Variants in LRRC4C observed in about 807,000 individuals in gnomAD.
LRRC4C encodes the protein leucine rich repeat containing 4C, also known as leucine-rich repeat-containing protein 4C.
LRRC4C carries 5 observed loss-of-function variants against 33.6 expected under a neutral mutation model. That is an observed-to-expected ratio of 0.15 (90% CI 0.08 to 0.31). The LOEUF (loss-of-function observed/expected upper bound fraction) is 0.31, where lower values mean the gene tolerates loss of function less well. Among genes scored for constraint, LRRC4C ranks in the 10% least tolerant of loss-of-function variants. LRRC4C has a pLI of 1.00. For synonymous variants in LRRC4C, 329 were observed against 302.0 expected, an observed-to-expected ratio of 1.09 and a Z score of -0.93; for missense variants, 560 against 796.7, an observed-to-expected ratio of 0.70 and a Z score of 3.58.
At chr11:40,573,920 A>G (rs1184815935) in intron 3 of LRRC4C, among the ~76,000 whole-genome samples, 1 of 152,134 alleles carries the variant, frequency 6.6e-6, no homozygotes, top group Non-Finnish European at 1.5e-5. Context: ...CAGTTGGTGC[A>G]TTGTAAATGC....
intron 2 of LRRC4C, among the ~76,000 whole-genome samples, chr11:40,771,259 T>C (rs1254739163): frequency 6.6e-6 from 1 of 152,176 alleles, no homozygotes; most frequent in Non-Finnish European, 1.5e-5. Context: ...TACCAAGGCT[T>C]GGGGCTTGCA....
intron 6 of LRRC4C, among the ~76,000 whole-genome samples, chr11:40,132,637 A>T (rs1856722974): frequency 6.6e-6 from 1 of 152,184 alleles, no homozygotes; most frequent in Non-Finnish European, 1.5e-5. Context: ...CTGATGCGAA[A>T]GGAGAAAACA....
At chr11:41,050,887 G>A (rs1342612133) in intron 1 of LRRC4C, among the ~76,000 whole-genome samples, 1 of 152,146 alleles carries the variant, frequency 6.6e-6, no homozygotes, top group Non-Finnish European at 1.5e-5. Flanking sequence ...GGTTTTCATT[G>A]CTGAGAAGGC....
At chr11:40,196,700 A>G (rs1862291201) in intron 5 of LRRC4C, among the ~76,000 whole-genome samples, 1 of 152,256 alleles carries the variant, frequency 6.6e-6, no homozygotes, top group Non-Finnish European at 1.5e-5. Context: ...TACTCAATTA[A>G]TTGAGATAAT....
At chr11:41,411,140 C>CTTTTTTTTTTTTTTTTTTTTTTTTT (rs1249968357) in intron 1 of LRRC4C, among the ~76,000 whole-genome samples, 4 of 49,914 alleles carry the variant, frequency 8.0e-5, no homozygotes, top group African/African-American at 3.1e-4. Flanking sequence ...GGTTGGTACC[C>CTTTTTTTTTTTTTTTTTTTTTTTTT]TATTTTTTTT....
At position 40,432,678 on chromosome 11, in the gene LRRC4C, A is replaced by G. The variant is rs577569035; in HGVS notation, c.-269-112957T>C. 5.3e-5 allele frequency among the ~76,000 whole-genome samples: 8 copies of G among 152,260 alleles called. No homozygotes were observed. The South Asian group carries it at 1.7e-3, about 32-fold the overall frequency. Reference sequence around the variant, plus strand: ...TCTTCATGTTATCCCAGACTCTAACAGTTTCCTTCTGTTTGAATCTTCCAA... The same window carrying G: ...TCTTCATGTTATCCCAGACTCTAACGGTTTCCTTCTGTTTGAATCTTCCAA... On this transcript the variant is annotated intron_variant, in intron 3 of 6. Coordinates refer to ENST00000528697, the MANE Select transcript of LRRC4C (RefSeq NM_001258419.2).
At chr11:40,702,545 G>A (rs1172801501) in intron 2 of LRRC4C, among the ~76,000 whole-genome samples, 1 of 151,886 alleles carries the variant, frequency 6.6e-6, no homozygotes, top group South Asian at 2.1e-4. Flanking sequence ...ATTAGAACAA[G>A]TCAAGATTAT....
intron 1 of LRRC4C, among the ~76,000 whole-genome samples, chr11:41,069,654 AC>A (rs1406925976): frequency 1.2e-4 from 18 of 152,036 alleles, no homozygotes; most frequent in Admixed American, 1.2e-3. Flanking sequence ...TCATGAATGA[AC>A]CCCCATTCAC....
intron 2 of LRRC4C, among the ~76,000 whole-genome samples, chr11:40,733,274 A>T (rs1214534636): frequency 6.6e-6 from 1 of 151,428 alleles, no homozygotes; most frequent in Admixed American, 6.6e-5. Context: ...ACAGGGTTTC[A>T]CCATGTTAGC....
chr11:41,206,992 G>A (rs1946627341), intron 1 of LRRC4C, among the ~76,000 whole-genome samples: 1 of 151,960 alleles, frequency 6.6e-6, no homozygotes, highest in South Asian at 2.1e-4. Flanking sequence ...TTCTGCTATA[G>A]TATATAGTAT....
intron 3 of LRRC4C, among the ~76,000 whole-genome samples, chr11:40,511,291 G>A (rs146260664): frequency 1.3e-5 from 2 of 152,134 alleles, no homozygotes; most frequent in Non-Finnish European, 2.9e-5. Flanking sequence ...AAATGACTCC[G>A]TTCAGCAACT....
chr11:40,969,527 T>C (rs1757946210), intron 1 of LRRC4C, among the ~76,000 whole-genome samples: 1 of 151,556 alleles, frequency 6.6e-6, no homozygotes, highest in Non-Finnish European at 1.5e-5. Context: ...CATTACTGTC[T>C]TCTTTTAAAA....
intron 1 of LRRC4C, among the ~76,000 whole-genome samples, chr11:41,425,902 TTAGA>T (rs1423632952): frequency 6.6e-6 from 1 of 152,118 alleles, no homozygotes; most frequent in Non-Finnish European, 1.5e-5. Flanking sequence ...AGGTTGCCTT[TTAGA>T]TAGAGCCCAA....
At chr11:41,316,283 A>AAAAAAAAAAAAAAAAAAAG (rs1950793676) in intron 1 of LRRC4C, among the ~76,000 whole-genome samples, 1 of 150,968 alleles carries the variant, frequency 6.6e-6, no homozygotes, top group Admixed American at 6.6e-5. Context: ...AAAAAAACAA[A>AAAAAAAAAAAAAAAAAAAG]AAAAAACAAA....
At chr11:40,718,036 TAGATA>T (rs1166340826) in intron 2 of LRRC4C, among the ~76,000 whole-genome samples, 1 of 152,238 alleles carries the variant, frequency 6.6e-6, no homozygotes, top group Non-Finnish European at 1.5e-5. Context: ...ATGTTCAGAT[TAGATA>T]AAAGAGGATC....
intron 1 of LRRC4C, among the ~76,000 whole-genome samples, chr11:41,182,440 T>A (rs1945493640): frequency 6.6e-6 from 1 of 152,200 alleles, no homozygotes; most frequent in Non-Finnish European, 1.5e-5. Flanking sequence ...AATCATTATG[T>A]CTTCAAGTTG....
At chr11:40,779,363 A>C (rs866025898) in intron 2 of LRRC4C, among the ~76,000 whole-genome samples, 2 of 152,192 alleles carry the variant, frequency 1.3e-5, no homozygotes, top group Non-Finnish European at 2.9e-5. Flanking sequence ...CCTAATGCCT[A>C]TCTTGGCATG....
intron 1 of LRRC4C, among the ~76,000 whole-genome samples, chr11:41,199,094 G>C (rs1249332070): frequency 1.3e-5 from 2 of 152,060 alleles, no homozygotes; most frequent in Non-Finnish European, 2.9e-5. Flanking sequence ...AAAGACAACT[G>C]TATCAGCTAT....
intron 3 of LRRC4C, among the ~76,000 whole-genome samples, chr11:40,378,486 T>C (rs956764159): frequency 6.6e-6 from 1 of 151,946 alleles, no homozygotes; most frequent in Non-Finnish European, 1.5e-5. Context: ...TTACAAAAGA[T>C]AGTGTTTGGG....
Sources: gnomAD v4.1 joint callset for allele counts (sites outside exome capture counted in the v4.1 genomes callset) on GRCh38, gnomAD v4.1.1 for gene constraint, MANE v1.5 for transcripts, NCBI Gene and HGNC (gene_info 2026-07-23, HGNC 2026-07-21) for gene names.